The following ARID4B variants were observed in gnomAD, a reference collection of about 807,000 sequenced individuals.
The protein encoded by ARID4B is AT-rich interaction domain 4B.
In ARID4B, 26 loss-of-function variants were observed where a neutral mutation model predicts 147.5. That is an observed-to-expected ratio of 0.18 (90% CI 0.13 to 0.24). The LOEUF is 0.24. ARID4B is among the 10% of genes least tolerant of loss of function. The probability of loss-of-function intolerance (pLI) is 1.00; values close to 1 mark genes in which losing one functional copy is unlikely to be tolerated. For synonymous variants in ARID4B, 512 were observed against 507.9 expected (o/e 1.01, Z -0.11); for missense variants, 1,179 against 1,511.5 (o/e 0.78, Z 3.65).
At chr1:235,188,809 C>T (rs1664869553) in intron 19 of ARID4B, among the ~76,000 whole-genome samples, 1 of 152,050 alleles carries the variant, frequency 6.6e-6, no homozygotes, top group African/African-American at 2.4e-5. Context: ...CCAGATCACC[C>T]GATAGTGAAA....
chr1:235,196,984 T>C (rs950349783), intron 17 of ARID4B, among the ~76,000 whole-genome samples: 8 of 152,266 alleles, frequency 5.3e-5, no homozygotes, highest in Admixed American at 2.0e-4. Context: ...GCAAAGTTTT[T>C]CAGTATTCTG....
At chr1:235,324,142 G>A (rs1675048206) in intron 2 of ARID4B, among the ~76,000 whole-genome samples, 2 of 151,886 alleles carry the variant, frequency 1.3e-5, no homozygotes, top group Non-Finnish European at 1.5e-5. Context: ...CTTGACCTCA[G>A]GTGATCCTCC....
intron 17 of ARID4B, among the ~76,000 whole-genome samples, chr1:235,205,567 T>C (rs1666253993): frequency 6.6e-6 from 1 of 152,220 alleles, no homozygotes; most frequent in Non-Finnish European, 1.5e-5. Flanking sequence ...GATTTGGCAA[T>C]GTTTCTTTGG....
intron 2 of ARID4B, among the ~76,000 whole-genome samples, chr1:235,292,282 A>G (rs1672389364): frequency 1.3e-5 from 2 of 152,146 alleles, no homozygotes; most frequent in Admixed American, 1.3e-4. Flanking sequence ...ATTCAATTCC[A>G]ATGTTACTGA....
chr1:235,301,965 T>TTA (rs1673177944), intron 2 of ARID4B, among the ~76,000 whole-genome samples: 1 of 151,088 alleles, frequency 6.6e-6, no homozygotes, highest in East Asian at 1.9e-4. Context: ...AGTGCTAGGA[T>TTA]TACAGGCATG....
intron 17 of ARID4B, among the ~76,000 whole-genome samples, chr1:235,212,261 CA>C (rs1666764411): frequency 6.6e-6 from 1 of 151,734 alleles, no homozygotes; most frequent in South Asian, 2.1e-4. Flanking sequence ...AAGACAAAAA[CA>C]AAAACAAAAA....
chr1:235,214,222 AT>A (rs1666901119), intron 16 of ARID4B, among the ~76,000 whole-genome samples, 196 bp from the exon 17 acceptor site: 1 of 152,228 alleles, frequency 6.6e-6, no homozygotes, highest in Non-Finnish European at 1.5e-5. Flanking sequence ...AGAAAGACAC[AT>A]TTAGAGAAAA....
chr1:235,298,696 C>T (rs904304234), intron 2 of ARID4B, among the ~76,000 whole-genome samples: 5 of 151,810 alleles, frequency 3.3e-5, no homozygotes, highest in African/African-American at 7.3e-5. Flanking sequence ...TTACATATAG[C>T]GTTTCATTCT....
In ARID4B at chr1:235,310,858, G is replaced by A. The variant is rs992601858; in HGVS notation, c.6+16056C>T. 2.0e-5 allele frequency among the ~76,000 whole-genome samples: 3 copies of A among 151,990 alleles called. No homozygotes were observed. The South Asian group carries it at 6.2e-4, about 32-fold the overall frequency. On this transcript the variant is annotated intron_variant, in intron 2 of 23. Transcript: ENST00000264183. The stretch of plus-strand genomic sequence containing the variant: ...GCTATTTTAAAACTTTTTTGTAGAA[G>A]CAGGGTTTTGCCACATTGTCCATGC...
At chr1:235,277,594 TTGTG>T (rs71576468) in intron 2 of ARID4B, among the ~76,000 whole-genome samples, 28,976 of 129,214 alleles carry the variant, frequency 0.22, 3,511 homozygotes, top group Middle Eastern at 0.27. Flanking sequence ...ATGCCTTATA[TTGTG>T]TGTGTGTGTG....
intron 8 of ARID4B, among the ~76,000 whole-genome samples, chr1:235,239,218 C>T (rs1320326627): frequency 6.6e-6 from 1 of 152,016 alleles, no homozygotes; most frequent in Non-Finnish European, 1.5e-5. Context: ...GGGATTTGCC[C>T]ACCTCGGCCT....
intron 2 of ARID4B, among the ~76,000 whole-genome samples, chr1:235,276,453 C>T (rs1278328252): frequency 1.3e-5 from 2 of 151,980 alleles, no homozygotes; most frequent in African/African-American, 4.8e-5. Context: ...TACATTTCTA[C>T]TCATATTTTT....
chr1:235,218,049 A>G (rs1255336101), intron 16 of ARID4B, among the ~76,000 whole-genome samples: 1 of 152,208 alleles, frequency 6.6e-6, no homozygotes, highest in Non-Finnish European at 1.5e-5. Flanking sequence ...AGTTATGTGA[A>G]TATGGTCTTG....
In ARID4B at chr1:235,222,002, C is replaced by T. The variant is rs183824083; in HGVS notation, c.1066-340G>A. Among the ~76,000 whole-genome samples the T allele has an allele frequency of 3.9e-4, 56 of 143,830 alleles. No homozygotes were observed. The East Asian group carries it at 0.011, about 29-fold the overall frequency. 94.4% of individuals were successfully genotyped at this position (143,830 alleles called of 152,430 possible). ...ACAGCTCACTGCAGCCCTGAACTTC[C>T]GGGCTCAAGGGATCTTCCTGACTCA... On this transcript the variant is annotated intron_variant, in intron 13 of 23. Coordinates refer to ENST00000264183, the MANE Select transcript of ARID4B (RefSeq NM_016374.6).
intron 2 of ARID4B, among the ~76,000 whole-genome samples, chr1:235,321,404 G>A (rs1055037403): frequency 1.3e-5 from 2 of 152,060 alleles, no homozygotes; most frequent in African/African-American, 4.8e-5. Context: ...ATCTTAACTA[G>A]CAGGTCCAAT....
At chr1:235,219,060 C>T (rs144148425) in intron 16 of ARID4B, among the ~76,000 whole-genome samples, 235 of 151,964 alleles carry the variant, frequency 1.5e-3, no homozygotes, top group African/African-American at 5.4e-3. Flanking sequence ...GACAGGGTTT[C>T]GGTATGTTGG....
At chr1:235,320,085 C>A (rs1483889953) in intron 2 of ARID4B, among the ~76,000 whole-genome samples, 2 of 150,636 alleles carry the variant, frequency 1.3e-5, no homozygotes, top group Non-Finnish European at 3.0e-5. Context: ...CGAGATCGTG[C>A]CATTGCACTC....
At chr1:235,228,475 T>A (rs1172614915) in intron 11 of ARID4B, 1 of 151,044 alleles carries the variant, frequency 6.6e-6, no homozygotes, top group Non-Finnish European at 1.5e-5. Flanking sequence ...CATGCCCTGC[T>A]AATTATTTTT....
intron 16 of ARID4B, among the ~76,000 whole-genome samples, chr1:235,216,272 T>C (rs1012896082): frequency 3.3e-5 from 5 of 151,766 alleles, no homozygotes; most frequent in Non-Finnish European, 5.9e-5. Flanking sequence ...AAAACCTTCA[T>C]GAAACCAGCT....
Sources: gnomAD v4.1 joint callset for allele counts (sites outside exome capture counted in the v4.1 genomes callset) on GRCh38, gnomAD v4.1.1 for gene constraint, MANE v1.5 for transcripts, NCBI Gene and HGNC (gene_info 2026-07-23, HGNC 2026-07-21) for gene names.